Variants in EPHA3 observed in about 807,000 individuals in gnomAD.
EPHA3 encodes the protein EPH receptor A3, also known as ephrin type-A receptor 3.
Under a neutral mutation model 107.1 loss-of-function variants are expected in EPHA3, and 42 were observed. The ratio of observed to expected loss-of-function variants is 0.39; its 90% CI spans 0.31 to 0.51. EPHA3 has a LOEUF of 0.51. Ranked by LOEUF, EPHA3 falls within the 20% of genes least tolerant of loss-of-function variation. The probability of loss-of-function intolerance (pLI) is 0.78; values close to 1 mark genes in which losing one functional copy is unlikely to be tolerated. For missense variants in EPHA3, 1,183 were observed against 1,211.2 expected (o/e 0.98, Z 0.35); for synonymous variants, 461 against 424.8 (o/e 1.09, Z -1.05).
At chr3:89,228,129 A>G (rs1400611172) in intron 3 of EPHA3, among the ~76,000 whole-genome samples, 1 of 151,956 alleles carries the variant, frequency 6.6e-6, no homozygotes, top group Non-Finnish European at 1.5e-5. Context: ...TGGTAGACAC[A>G]TGCTCCCCAG....
At chr3:89,362,734 T>G (rs78148448) in intron 5 of EPHA3, among the ~76,000 whole-genome samples, 4,643 of 151,020 alleles carry the variant, frequency 0.031, 268 homozygotes, top group African/African-American at 0.1. Flanking sequence ...CAACATGGGA[T>G]GAGTGGCAGG....
chr3:89,224,761 A>G (rs1236959747), intron 3 of EPHA3, among the ~76,000 whole-genome samples: 1 of 152,036 alleles, frequency 6.6e-6, no homozygotes, highest in Admixed American at 6.6e-5. Flanking sequence ...AGGCAGGAAA[A>G]TTGCTTGAAT....
At chr3:89,320,631 A>T (rs983778728) in intron 3 of EPHA3, among the ~76,000 whole-genome samples, 3 of 151,872 alleles carry the variant, frequency 2.0e-5, no homozygotes, top group African/African-American at 7.2e-5. Flanking sequence ...ACATGGCAAG[A>T]TTTTTTAAAT....
At chr3:89,168,163 A>G (rs929829344) in intron 2 of EPHA3, among the ~76,000 whole-genome samples, 6 of 152,186 alleles carry the variant, frequency 3.9e-5, no homozygotes, top group South Asian at 2.1e-4. Flanking sequence ...TAAATTATGC[A>G]TAATTATTCA....
intron 1 of EPHA3, among the ~76,000 whole-genome samples, chr3:89,108,903 C>A (rs954142217): frequency 2.0e-5 from 3 of 152,122 alleles, no homozygotes; most frequent in Non-Finnish European, 2.9e-5. Flanking sequence ...ATTTATTTTG[C>A]AAGTTAACAA....
At chr3:89,229,688 A>G (rs1437406499) in intron 3 of EPHA3, among the ~76,000 whole-genome samples, 1 of 151,950 alleles carries the variant, frequency 6.6e-6, no homozygotes. Flanking sequence ...ACTGCAATAT[A>G]TGATAGATTC....
intron 3 of EPHA3, among the ~76,000 whole-genome samples, chr3:89,293,455 T>C (rs913215405): frequency 2.0e-5 from 3 of 152,144 alleles, no homozygotes; most frequent in African/African-American, 4.8e-5. Flanking sequence ...AGGGGCCAGA[T>C]AATAAATAGT....
intron 5 of EPHA3, among the ~76,000 whole-genome samples, chr3:89,346,751 G>T (rs1448415244): frequency 1.3e-5 from 2 of 148,290 alleles, no homozygotes; most frequent in Non-Finnish European, 3.0e-5. Context: ...ATGGTTTTAG[G>T]TCTAACGTTT....
At chr3:89,210,692 G>A (rs555484592) in intron 3 of EPHA3, among the ~76,000 whole-genome samples, 172 bp downstream of exon 3, 120 of 152,230 alleles carry the variant, frequency 7.9e-4, no homozygotes, top group African/African-American at 2.8e-3. Context: ...GGTAATTCAT[G>A]CTTTGCTGTA....
chr3:89,288,974 G>A (rs940130062), intron 3 of EPHA3, among the ~76,000 whole-genome samples: 8 of 152,028 alleles, frequency 5.3e-5, no homozygotes, highest in Non-Finnish European at 1.2e-4. Context: ...AATATACTTT[G>A]ACAATTACCA....
chr3:89,476,704 T>G (rs1710518815), intron 16 of EPHA3, among the ~76,000 whole-genome samples: 1 of 151,592 alleles, frequency 6.6e-6, no homozygotes, highest in Non-Finnish European at 1.5e-5. Flanking sequence ...GCCTCCTGGG[T>G]TCACGCCATT....
chr3:89,443,912 A>G (rs184109022), intron 13 of EPHA3, among the ~76,000 whole-genome samples: 72 of 152,270 alleles, frequency 4.7e-4, no homozygotes, highest in African/African-American at 1.6e-3. Flanking sequence ...CCAGTTACAG[A>G]AAAAAGGAAA....
At chr3:89,345,750 A>G (rs566597774) in intron 5 of EPHA3, among the ~76,000 whole-genome samples, 2,026 of 139,818 alleles carry the variant, frequency 0.014, 49 homozygotes, top group African/African-American at 0.047. Flanking sequence ...ATATCTCCCA[A>G]TGCTATCTCT....
intron 2 of EPHA3, among the ~76,000 whole-genome samples, chr3:89,176,981 TCACACA>T (rs757911338): frequency 6.6e-6 from 1 of 150,462 alleles, no homozygotes; most frequent in African/African-American, 2.4e-5. Context: ...GACACATATC[TCACACA>T]CACACACACA....
chr3:89,459,079 G>A (rs1268040678), intron 15 of EPHA3, among the ~76,000 whole-genome samples: 2 of 152,152 alleles, frequency 1.3e-5, no homozygotes, highest in Admixed American at 1.3e-4. Flanking sequence ...CCTAATGCAT[G>A]TGGAGCTTAA....
chr3:89,430,518 T>C (rs1709545383), intron 12 of EPHA3, among the ~76,000 whole-genome samples: 1 of 152,154 alleles, frequency 6.6e-6, no homozygotes, highest in African/African-American at 2.4e-5. Flanking sequence ...TTTATATAAA[T>C]ACATTATCTA....
chr3:89,138,615 G>T (rs1465203446), intron 2 of EPHA3, among the ~76,000 whole-genome samples: 1 of 151,812 alleles, frequency 6.6e-6, no homozygotes, highest in Non-Finnish European at 1.5e-5. Flanking sequence ...AACATTTTAA[G>T]CAGGTGATCA....
intron 5 of EPHA3, among the ~76,000 whole-genome samples, chr3:89,346,422 A>C (rs1246080726): frequency 1.4e-5 from 2 of 146,062 alleles, no homozygotes. Flanking sequence ...TCTTCTTTTG[A>C]GAAGTGTCTG....
At chr3:89,138,851 G>C (rs1014301649) in intron 2 of EPHA3, among the ~76,000 whole-genome samples, 1 of 151,676 alleles carries the variant, frequency 6.6e-6, no homozygotes. Flanking sequence ...TCAGATTATA[G>C]TATTTATTAT....
Sources: gnomAD v4.1 joint callset for allele counts (sites outside exome capture counted in the v4.1 genomes callset) on GRCh38, gnomAD v4.1.1 for gene constraint, MANE v1.5 for transcripts, NCBI Gene and HGNC (gene_info 2026-07-23, HGNC 2026-07-21) for gene names.